The following OPN4 variants were observed in gnomAD, a reference collection of about 807,000 sequenced individuals.
OPN4 encodes opsin 4, also known as melanopsin.
A neutral mutation model predicts 49.5 loss-of-function variants in OPN4; 43 were observed. The observed-to-expected ratio is 0.87, with a 90% CI of 0.68 to 1.12. OPN4 has a LOEUF of 1.12. OPN4 is among the 50% of genes most tolerant of loss of function. The pLI, the probability that OPN4 is intolerant of heterozygous loss-of-function variation, is 0.00. For missense variants in OPN4, 657 were observed against 643.9 expected, an observed-to-expected ratio of 1.02 and a Z score of -0.22; for synonymous variants, 263 against 258.0, an observed-to-expected ratio of 1.02 and a Z score of -0.19.
chr10:86,658,481 C>T lies in OPN4; in HGVS notation c.425-3C>T. 6.2e-7 allele frequency: 1 copy of T among 1,614,094 alleles called. No individual in the cohort carries two copies. The highest frequency in any genetic ancestry group is 8.5e-7 in the Non-Finnish European group (1 of 1,180,004). On this transcript the variant is annotated splice_polypyrimidine_tract_variant and splice_region_variant and intron_variant, in intron 3 of 9. Coordinates refer to ENST00000241891, the MANE Select transcript of OPN4 (RefSeq NM_033282.4). ...GGACTCAGAGCAGGGGCTGTGCCCACAGGCTGCGAGTTCTATGCCTTCTGT... is the reference window on the plus strand; with the variant it reads ...GGACTCAGAGCAGGGGCTGTGCCCATAGGCTGCGAGTTCTATGCCTTCTGT...
chr10:86,661,446 G>T lies in OPN4; in HGVS notation c.1073+58G>T. On this transcript the variant is annotated intron_variant, in intron 7 of 9. Coordinates refer to ENST00000241891, the MANE Select transcript of OPN4 (RefSeq NM_033282.4). ...CCTCCAAGGGCCTGGCCTGCCGATG[G>T]GGGCAGAGGCCACCACCTTTCTGTC... 5 of 1,287,612 alleles carry T rather than the reference G, an allele frequency of 3.9e-6. No individual in the cohort carries two copies. In the South Asian group the frequency reaches 3.9e-5, roughly 10 times the overall value. The allele number at this position is 1,287,612 out of a possible 1,614,324, so 79.8% of individuals were successfully genotyped here.
intron 9 of OPN4, among the ~76,000 whole-genome samples, chr10:86,664,348 G>A (rs1844092807): frequency 6.6e-6 from 1 of 152,222 alleles, no homozygotes; most frequent in Non-Finnish European, 1.5e-5. Flanking sequence ...GGGGCTGTAA[G>A]CTGTGGATGT....
Position 86,661,511 on chromosome 10 carries a change from A to G in OPN4, c.1073+123A>G, listed in dbSNP as rs1050483424. ...AGAATGGGGGCCACCAGCAGCTGGGAGCGGCCAATGACACTGAGTGGGGTC... is the reference window on the plus strand; with the variant it reads ...AGAATGGGGGCCACCAGCAGCTGGGGGCGGCCAATGACACTGAGTGGGGTC... On this transcript the variant is annotated intron_variant, in intron 7 of 9. Transcript: ENST00000241891. The G allele has an allele frequency of 7.1e-6, 5 of 701,010 alleles. No homozygotes were observed. The African/African-American group carries it at 7.2e-5, about 10-fold the overall frequency. The allele number at this position is 701,010 out of a possible 1,614,324, so 43.4% of individuals were successfully genotyped here. A position where few individuals can be genotyped will look rare whatever the true frequency, so the allele number is the denominator to read the frequency against.
intron 6 of OPN4, among the ~76,000 whole-genome samples, chr10:86,660,949 A>C (rs1366295816): frequency 1.3e-5 from 2 of 152,194 alleles, no homozygotes; most frequent in African/African-American, 4.8e-5. Context: ...CAAAATGGTG[A>C]AACCCCGTCT....
intron 3 of OPN4, 71 bp downstream of exon 3, chr10:86,658,236 G>A: frequency 6.3e-7 from 1 of 1,580,522 alleles, no homozygotes; most frequent in Non-Finnish European, 8.6e-7. Flanking sequence ...TCAATGGAGG[G>A]TGGCCCAAAG....
Position 86,659,300 on chromosome 10 carries a change from C to G in OPN4, c.632C>G (p.Ala211Gly), listed in dbSNP as rs1395223349. Residue 211 changes from alanine to glycine, a missense_variant, in exon 5 of 10, where the codon GCC (alanine) becomes GGC (glycine). Physicochemically the swap from Ala to Gly is moderately conservative, Grantham distance 60. Transcript: ENST00000241891. ...GAGCACCTGCCCTGGCTCCCAGGCG[C>G]CTACGTGCCCGAGGGGTTGCTGACA... The part of the protein sequence containing the change: ...WSLPPFFGWS[A>G]YVPEGLLTSC... 1.9e-6 allele frequency: 3 copies of G among 1,611,178 alleles called. No individual in the cohort carries two copies. In the South Asian group the frequency reaches 3.3e-5, roughly 18 times the overall value.
rs532638132 is a variant in OPN4 at position 86,659,574 on chromosome 10, A to G, written c.800+106A>G. 7 of 1,438,824 alleles carry G rather than the reference A, an allele frequency of 4.9e-6. No homozygotes were observed. In the East Asian group the frequency reaches 1.5e-4, roughly 30 times the overall value. The allele number at this position is 1,438,824 out of a possible 1,614,324, so 89.1% of individuals were successfully genotyped here. Reference sequence around the variant, plus strand: ...TGCACCAGCCTACCAGAGCATGACCAGTGGGTGAAGGCAAGCTGAGCAAGT... The same window carrying G: ...TGCACCAGCCTACCAGAGCATGACCGGTGGGTGAAGGCAAGCTGAGCAAGT... On this transcript the variant is annotated intron_variant, in intron 5 of 9. Transcript: ENST00000241891.
chr10:86,657,119 G>T, intron 2 of OPN4: 2 of 768,014 alleles, frequency 2.6e-6, no homozygotes. Context: ...CAGCCCCCTG[G>T]CTCTCCCACC....
chr10:86,664,527 C>A (rs1233203568), intron 9 of OPN4, among the ~76,000 whole-genome samples: 1 of 152,184 alleles, frequency 6.6e-6, no homozygotes, highest in South Asian at 2.1e-4. Flanking sequence ...CCAAGCAGCC[C>A]TTCGCCCCAG....
At chr10:86,664,017 T>A (rs1302653424) in intron 9 of OPN4, 6 of 267,136 alleles carry the variant, frequency 2.2e-5, no homozygotes, top group South Asian at 5.9e-5. Flanking sequence ...GGTCTGCACA[T>A]GTGTGTGTGT....
At chr10:86,660,665 C>T (rs906141958) in intron 6 of OPN4, among the ~76,000 whole-genome samples, 1 of 152,098 alleles carries the variant, frequency 6.6e-6, no homozygotes, top group Non-Finnish European at 1.5e-5. Context: ...AAGAGCTAGG[C>T]AGAGGGTGCA....
chr10:86,655,047 C>T (rs908386616), intron 1 of OPN4, 120 bp downstream of exon 1: 6 of 1,068,430 alleles, frequency 5.6e-6, no homozygotes, highest in Non-Finnish European at 8.0e-6. Context: ...TGCTGTGGGG[C>T]CTTGAGCCAT....
In OPN4 at chr10:86,665,902, T is replaced by C. The variant is rs919867974; in HGVS notation, c.*151T>C. 4 of 647,496 alleles carry C rather than the reference T, an allele frequency of 6.2e-6. No individual in the cohort carries two copies. The highest frequency in any genetic ancestry group is 2.7e-5 in the East Asian group (1 of 36,720). 40.1% of individuals were successfully genotyped at this position (647,496 alleles called of 1,614,324 possible). A position where few individuals can be genotyped will look rare whatever the true frequency, so the allele number is the denominator to read the frequency against. On this transcript the variant is annotated 3_prime_UTR_variant, in exon 10 of 10. Coordinates refer to ENST00000241891, the MANE Select transcript of OPN4 (RefSeq NM_033282.4). Reference sequence around the variant, plus strand: ...CACGGGATTCACAGCCCCAGCCCCATGGCCCCTCTCCACACCTCAAAACTC... The same window carrying C: ...CACGGGATTCACAGCCCCAGCCCCACGGCCCCTCTCCACACCTCAAAACTC...
At position 86,658,038 on chromosome 10, in the gene OPN4, A is replaced by G; in HGVS notation, c.297A>G (p.Arg99=). 6.2e-7 allele frequency: 1 copy of G among 1,612,840 alleles called. No individual in the cohort carries two copies. Among genetic ancestry groups the G allele is most frequent in the Non-Finnish European group, 8.5e-7 (1 of 1,179,934 alleles). Residue 99 remains arginine, a synonymous_variant, in exon 3 of 10, where the codon AGA becomes AGG. Coordinates refer to ENST00000241891, the MANE Select transcript of OPN4 (RefSeq NM_033282.4). The part of the protein sequence containing the change: ...LTVIYTFCRS[R]SLRTPANMFI... Reference sequence around the variant, plus strand: ...CAGCTTCTGATCCTCCCAGGAGCAGAAGCCTCCGGACACCTGCCAACATGT... The same window carrying G: ...CAGCTTCTGATCCTCCCAGGAGCAGGAGCCTCCGGACACCTGCCAACATGT...
At chr10:86,663,325 G>A (rs1282388121) in intron 8 of OPN4, among the ~76,000 whole-genome samples, 2 of 152,204 alleles carry the variant, frequency 1.3e-5, no homozygotes, top group East Asian at 3.8e-4. Context: ...GTAAACCACT[G>A]TAGTGAATAA....
At chr10:86,657,224 T>A in intron 2 of OPN4, 2 of 780,830 alleles carry the variant, frequency 2.6e-6, no homozygotes, top group Non-Finnish European at 4.8e-6. Context: ...ACTGTGATGA[T>A]GCAGTAAGTT....
chr10:86,664,451 G>A (rs531565384), intron 9 of OPN4, among the ~76,000 whole-genome samples: 26 of 152,170 alleles, frequency 1.7e-4, no homozygotes, highest in African/African-American at 5.1e-4. Context: ...CCTATGGAAC[G>A]GAATGTTGAT....
Position 86,662,354 on chromosome 10 carries a change from G to A in OPN4, c.1176G>A (p.Thr392=), listed in dbSNP as rs376354967. Residue 392 remains threonine (T), a synonymous_variant, in exon 8 of 10, where the codon ACG becomes ACA. Transcript: ENST00000241891. ...YPSYRSTHRS[T]LTSHTSNLSW... ...GCTACCGCTCCACCCACCGCTCCAC[G>A]CTGACCAGCCACACCTCCAACCTCA... 84 of 1,593,198 alleles carry A rather than the reference G, an allele frequency of 5.3e-5. No homozygotes were observed. The African/African-American group carries it at 7.2e-4, about 14-fold the overall frequency.
chr10:86,665,678 C>A, intron 9 of OPN4, 35 bp from the exon 10 acceptor site: 1 of 1,604,714 alleles, frequency 6.2e-7, no homozygotes, highest in Non-Finnish European at 8.5e-7. Context: ...GTGAACTGCT[C>A]CTCAGCTAAA....
Sources: gnomAD v4.1 joint callset for allele counts (sites outside exome capture counted in the v4.1 genomes callset) on GRCh38, gnomAD v4.1.1 for gene constraint, MANE v1.5 for transcripts, NCBI Gene and HGNC (gene_info 2026-07-23, HGNC 2026-07-21) for gene names.